ESCO1: variants seen among roughly 807,000 people sequenced by gnomAD.
ESCO1 encodes the protein establishment of sister chromatid cohesion N-acetyltransferase 1, also known as N-acetyltransferase ESCO1.
A neutral mutation model predicts 83.5 loss-of-function variants in ESCO1; 33 were observed. That is an observed-to-expected ratio of 0.40 (90% CI 0.30 to 0.53). ESCO1 has a LOEUF of 0.53. Among genes scored for constraint, ESCO1 ranks in the 20% least tolerant of loss-of-function variants. The pLI is 0.63. For synonymous variants in ESCO1, 332 were observed against 324.3 expected, an observed-to-expected ratio of 1.02 and a Z score of -0.25; for missense variants, 855 against 968.0, an observed-to-expected ratio of 0.88 and a Z score of 1.55.
At chr18:21,557,976 T>C (rs2146194956) in intron 8 of ESCO1, among the ~76,000 whole-genome samples, 1 of 151,852 alleles carries the variant, frequency 6.6e-6, no homozygotes, top group Non-Finnish European at 1.5e-5. Context: ...CTTTTTTGTT[T>C]TTTGGGGTTT....
At chr18:21,590,743 A>G (rs931377579) in intron 1 of ESCO1, among the ~76,000 whole-genome samples, 1 of 151,992 alleles carries the variant, frequency 6.6e-6, no homozygotes, top group South Asian at 2.1e-4. Flanking sequence ...AGGTCAACAG[A>G]TCGAGACCAT....
At chr18:21,579,850 G>A (rs1346613377) in intron 2 of ESCO1, among the ~76,000 whole-genome samples, 1 of 150,138 alleles carries the variant, frequency 6.7e-6, no homozygotes, top group East Asian at 2.0e-4. Context: ...ACAGCAGGGA[G>A]GGGACCTAAG....
intron 4 of ESCO1, 59 bp downstream of exon 4, chr18:21,573,255 A>G (rs2038364506): frequency 1.4e-5 from 20 of 1,423,708 alleles, no homozygotes; most frequent in Non-Finnish European, 1.9e-5. Context: ...AATGTTATAA[A>G]GACATTTCTT....
intron 8 of ESCO1, among the ~76,000 whole-genome samples, chr18:21,540,976 C>G (rs2037898364): frequency 6.6e-6 from 1 of 151,996 alleles, no homozygotes; most frequent in African/African-American, 2.4e-5. Context: ...AACTAGATTT[C>G]TTTAAAAATA....
rs566410019 is a variant in ESCO1 at position 21,581,270 on chromosome 18, G to A, written c.-694+3040C>T. Among the ~76,000 whole-genome samples, 18 of 151,448 alleles carry A rather than the reference G, an allele frequency of 1.2e-4. No individual in the cohort carries two copies. In the East Asian group the frequency reaches 1.9e-3, roughly 16 times the overall value. On this transcript the variant is annotated intron_variant, in intron 2 of 11. Transcript: ENST00000269214. ...CAGGAGGCAGAGCTTGCAGTGAGCC[G>A]AGACTGCACCACTGCACTCCAGCCT...
chr18:21,581,337 CAG>C (rs2038499695), intron 2 of ESCO1, among the ~76,000 whole-genome samples: 1 of 146,244 alleles, frequency 6.8e-6, no homozygotes, highest in South Asian at 2.2e-4. Context: ...AAAAAAAAAA[CAG>C]GGTAGATTTA....
In ESCO1 at chr18:21,590,326, A is replaced by G. The variant is rs375955728; in HGVS notation, c.-824-5886T>C. ...AACCTCCGCCTCCCCGGTTCAAGCAATTCTCTTGCCTCAGCCTCCTCAGTA... is the reference window on the plus strand; with the variant it reads ...AACCTCCGCCTCCCCGGTTCAAGCAGTTCTCTTGCCTCAGCCTCCTCAGTA... On this transcript the variant is annotated intron_variant, in intron 1 of 11. Coordinates refer to ENST00000269214, the MANE Select transcript of ESCO1 (RefSeq NM_052911.3). Among the ~76,000 whole-genome samples the G allele has an allele frequency of 1.1e-4, 17 of 151,086 alleles. No homozygotes were observed. In the East Asian group the frequency reaches 3.4e-3, roughly 30 times the overall value.
intron 8 of ESCO1, among the ~76,000 whole-genome samples, chr18:21,544,688 C>T (rs540493885): frequency 3.7e-4 from 57 of 152,002 alleles, no homozygotes; most frequent in Non-Finnish European, 7.5e-4. Context: ...AACATGATGC[C>T]TAAGTTTACT....
intron 1 of ESCO1, among the ~76,000 whole-genome samples, chr18:21,596,545 A>T (rs778327910): frequency 4.6e-5 from 7 of 151,980 alleles, no homozygotes; most frequent in Non-Finnish European, 8.8e-5. Flanking sequence ...AAAGATAGAA[A>T]ATATTGGCCA....
chr18:21,595,488 T>C (rs549833687), intron 1 of ESCO1, among the ~76,000 whole-genome samples: 48 of 147,190 alleles, frequency 3.3e-4, no homozygotes, highest in Non-Finnish European at 4.2e-4. Context: ...GCTAACACAG[T>C]GAAACCCCGT....
chr18:21,540,811 A>G (rs933247317), intron 8 of ESCO1: 1 of 905,770 alleles, frequency 1.1e-6, no homozygotes, highest in Non-Finnish European at 1.4e-6. Flanking sequence ...AGAAGGAATG[A>G]GCTTAACTAG....
chr18:21,594,550 A>G (rs1336563237), intron 1 of ESCO1, among the ~76,000 whole-genome samples: 1 of 152,080 alleles, frequency 6.6e-6, no homozygotes, highest in Non-Finnish European at 1.5e-5. Flanking sequence ...CTAAAAATAC[A>G]AAAATTAGCC....
intron 8 of ESCO1, among the ~76,000 whole-genome samples, chr18:21,552,727 C>T (rs1375053183): frequency 6.6e-6 from 1 of 152,124 alleles, no homozygotes; most frequent in Non-Finnish European, 1.5e-5. Context: ...AGAGAAAAGG[C>T]AATATAATGG....
chr18:21,586,416 T>A (rs1335226372), intron 1 of ESCO1, among the ~76,000 whole-genome samples: 1 of 152,246 alleles, frequency 6.6e-6, no homozygotes. Context: ...ATTCATCTGC[T>A]GATGAACACT....
chr18:21,579,790 GCGCGCACA>G (rs1208885024), intron 2 of ESCO1, among the ~76,000 whole-genome samples: 13 of 40,310 alleles, frequency 3.2e-4, no homozygotes, highest in Middle Eastern at 0.023. Flanking sequence ...ACACACGCGC[GCGCGCACA>G]CACACACACA....
intron 7 of ESCO1, among the ~76,000 whole-genome samples, chr18:21,563,003 C>G (rs2038209357): frequency 6.6e-6 from 1 of 151,136 alleles, no homozygotes; most frequent in African/African-American, 2.4e-5. Context: ...TCCCGAGCAG[C>G]TGGGATTATA....
At chr18:21,558,726 CAA>C (rs59435992) in intron 8 of ESCO1, among the ~76,000 whole-genome samples, 219 of 87,710 alleles carry the variant, frequency 2.5e-3, no homozygotes, top group Middle Eastern at 0.022. Flanking sequence ...GACTCTGCCT[CAA>C]AAAAAAAAAA....
chr18:21,547,228 A>C lies in ESCO1; in HGVS notation c.1954-7219T>G, dbSNP rs1372587671. 2.0e-5 allele frequency among the ~76,000 whole-genome samples: 3 copies of C among 152,306 alleles called. No homozygotes were observed. In the East Asian group the frequency reaches 5.8e-4, roughly 29 times the overall value. ...CATCGTCCCTCGCACTGATCTGTGA[A>C]CTTACATAAAAGATCTTTATAATAA... On this transcript the variant is annotated intron_variant, in intron 8 of 11. Coordinates refer to ENST00000269214, the MANE Select transcript of ESCO1 (RefSeq NM_052911.3).
At chr18:21,570,340 C>A (rs2038323352) in intron 4 of ESCO1, among the ~76,000 whole-genome samples, 1 of 152,168 alleles carries the variant, frequency 6.6e-6, no homozygotes, top group South Asian at 2.1e-4. Context: ...CTCAAGAGAT[C>A]CTCCCACCTC....
Sources: gnomAD v4.1 joint callset for allele counts (sites outside exome capture counted in the v4.1 genomes callset) on GRCh38, gnomAD v4.1.1 for gene constraint, MANE v1.5 for transcripts, NCBI Gene and HGNC (gene_info 2026-07-23, HGNC 2026-07-21) for gene names.